PPM1A: variants seen among roughly 807,000 people sequenced by gnomAD.
The protein encoded by PPM1A is protein phosphatase, Mg2+/Mn2+ dependent 1A, also known as protein phosphatase 1A.
PPM1A carries 7 observed loss-of-function variants against 35.0 expected under a neutral mutation model. The observed-to-expected ratio is 0.20, with a 90% CI of 0.11 to 0.38. The LOEUF is 0.38. Among genes scored for constraint, PPM1A ranks in the 10% least tolerant of loss-of-function variants. The pLI, the probability that PPM1A is intolerant of heterozygous loss-of-function variation, is 1.00. For missense variants in PPM1A, 239 were observed against 467.8 expected, an observed-to-expected ratio of 0.51 and a Z score of 4.51; for synonymous variants, 153 against 167.3, an observed-to-expected ratio of 0.91 and a Z score of 0.66.
chr14:60,282,606 C>A lies in PPM1A; in HGVS notation c.-20-78C>A. 1 of 1,505,424 alleles carries A rather than the reference C, an allele frequency of 6.6e-7. No individual in the cohort carries two copies. The highest frequency in any genetic ancestry group is 9.0e-7 in the Non-Finnish European group (1 of 1,114,874). The allele number at this position is 1,505,424 out of a possible 1,614,324, so 93.3% of individuals were successfully genotyped here. ...GTTGTGAATTCCCGCATATCTCTTT[C>A]ACTTATTAAAAAGATTGTTTGGTAC... On this transcript the variant is annotated intron_variant, in intron 1 of 5. Transcript: ENST00000395076. This position sits in a 1 kb window ranked among gnomAD's most constrained non-coding sequence, Gnocchi z 5.1.
chr14:60,278,687 C>T (rs1029850882), intron 1 of PPM1A, among the ~76,000 whole-genome samples: 2 of 152,206 alleles, frequency 1.3e-5, no homozygotes, highest in Admixed American at 1.3e-4. Context: ...ATGGAGTTTA[C>T]AGCCACTATT....
Position 60,273,391 on chromosome 14 carries a change from C to A in PPM1A, c.-20-9293C>A, listed in dbSNP as rs1254602284. Among the ~76,000 whole-genome samples the A allele has an allele frequency of 6.6e-6, 1 of 152,004 alleles. No individual in the cohort carries two copies. The highest frequency in any genetic ancestry group is 2.4e-5 in the African/African-American group (1 of 41,384). On this transcript the variant is annotated intron_variant, in intron 1 of 5. Coordinates refer to ENST00000395076, the MANE Select transcript of PPM1A (RefSeq NM_021003.5). The surrounding 1 kb of genome is among the most constrained non-coding windows in gnomAD (Gnocchi z 4.3). ...AAGGAAGTATGATGAGTACTAGGTA[C>A]TGTAAGAAAACCCTTGTGGTTGGAG...
At chr14:60,286,320 C>A in intron 3 of PPM1A, 1 of 985,752 alleles carries the variant, frequency 1.0e-6, no homozygotes, top group South Asian at 4.7e-5. Flanking sequence ...TATTTCTCCA[C>A]CTGGCAGAAA....
Position 60,249,418 on chromosome 14 carries a change from C to G in PPM1A, c.-280C>G, listed in dbSNP as rs1193695605. On this transcript the variant is annotated 5_prime_UTR_variant, in exon 1 of 6. Coordinates refer to ENST00000395076, the MANE Select transcript of PPM1A (RefSeq NM_021003.5). This position sits in a 1 kb window ranked among gnomAD's most constrained non-coding sequence, Gnocchi z 4.5. ...GAAAGCGATGAGTCCTCGGCTCTTC[C>G]TCCTCCTTCTCCGGGACCCGCTCTC... is the stretch of plus-strand genomic sequence containing the variant. 10 of 984,680 alleles carry G rather than the reference C, an allele frequency of 1.0e-5. No individual in the cohort carries two copies. In the East Asian group the frequency reaches 3.4e-4, roughly 34 times the overall value. 61.0% of individuals were successfully genotyped at this position (984,680 alleles called of 1,614,324 possible).
At chr14:60,287,900 T>C in intron 3 of PPM1A, 1 of 985,298 alleles carries the variant, frequency 1.0e-6, no homozygotes, top group Middle Eastern at 5.2e-4. Flanking sequence ...TCCCTGAAAC[T>C]TGGTGGAGGG....
In PPM1A at chr14:60,283,970, A is replaced by G. The variant is rs1886666815; in HGVS notation, c.834+433A>G. ...AAGGTTTAATGGTCTGTAGCACTTG[A>G]AAGAGGAATGTAGTGATCATTAGAC... On this transcript the variant is annotated intron_variant, in intron 2 of 5. Coordinates refer to ENST00000395076, the MANE Select transcript of PPM1A (RefSeq NM_021003.5). This position sits in a 1 kb window ranked among gnomAD's most constrained non-coding sequence, Gnocchi z 6.3. 6.6e-6 allele frequency among the ~76,000 whole-genome samples: 1 copy of G among 152,214 alleles called. No homozygotes were observed. Among genetic ancestry groups the G allele is most frequent in the African/African-American group, 2.4e-5 (1 of 41,452 alleles).
chr14:60,252,919 C>G (rs188906176), intron 1 of PPM1A, among the ~76,000 whole-genome samples: 1 of 152,240 alleles, frequency 6.6e-6, no homozygotes, highest in African/African-American at 2.4e-5. Context: ...CCAGGCTTTT[C>G]TTTTGCTGAG....
At chr14:60,287,585 A>C (rs967693761) in intron 3 of PPM1A, 2 of 985,130 alleles carry the variant, frequency 2.0e-6, no homozygotes, top group Non-Finnish European at 2.4e-6. Flanking sequence ...CTTTAAATAC[A>C]TGCCTTCACT....
intron 1 of PPM1A, among the ~76,000 whole-genome samples, chr14:60,251,933 G>T (rs1259583035): frequency 6.6e-6 from 1 of 151,266 alleles, no homozygotes; most frequent in Non-Finnish European, 1.5e-5. Context: ...CTGATGTGAA[G>T]GACATTATAA....
chr14:60,251,335 T>C (rs1401859242), intron 1 of PPM1A, among the ~76,000 whole-genome samples: 3 of 152,252 alleles, frequency 2.0e-5, no homozygotes, highest in Non-Finnish European at 2.9e-5. Flanking sequence ...TCAATTATAT[T>C]TGAGAAATAA....
chr14:60,289,989 T>C lies in PPM1A; in HGVS notation c.1061+75T>C. On this transcript the variant is annotated intron_variant, in intron 4 of 5. Transcript: ENST00000395076. The surrounding 1 kb of genome is among the most constrained non-coding windows in gnomAD (Gnocchi z 4.1). ...GTTAGGTATTCATTGATAAAATGTT[T>C]GTTTGCCTAATTTCTGAACTGATGC... The C allele has an allele frequency of 9.5e-7, 1 of 1,055,220 alleles. No individual in the cohort carries two copies. The highest frequency in any genetic ancestry group is 1.6e-5 in the South Asian group (1 of 62,550). 65.4% of individuals were successfully genotyped at this position (1,055,220 alleles called of 1,614,324 possible). A position where few individuals can be genotyped will look rare whatever the true frequency, so the allele number is the denominator to read the frequency against.
chr14:60,245,810 C>G, upstream of PPM1A: 1 of 1,532,786 alleles, frequency 6.5e-7, no homozygotes, highest in South Asian at 1.3e-5. This position sits in a 1 kb window ranked among gnomAD's most constrained non-coding sequence, Gnocchi z 4.2. Context: ...CACACCCTCT[C>G]CCTGAATGAA....
intron 1 of PPM1A, among the ~76,000 whole-genome samples, chr14:60,261,049 C>G (rs753670950): frequency 1.2e-4 from 18 of 149,668 alleles, no homozygotes; most frequent in Non-Finnish European, 2.5e-4. Flanking sequence ...CCCGAAAATA[C>G]CACTTAAGTC....
At chr14:60,284,521 A>C (rs1595361582) in intron 2 of PPM1A, among the ~76,000 whole-genome samples, 1 of 151,744 alleles carries the variant, frequency 6.6e-6, no homozygotes, top group East Asian at 1.9e-4. Flanking sequence ...GGGCGCCTGT[A>C]GTCCCAGCTA....
chr14:60,248,451 T>G (rs993178411), upstream of PPM1A, among the ~76,000 whole-genome samples: 1 of 152,234 alleles, frequency 6.6e-6, no homozygotes, highest in Non-Finnish European at 1.5e-5. Context: ...TCAGAGCATG[T>G]GCCCCGTGCG....
At chr14:60,286,513 G>A (rs1887027018) in intron 3 of PPM1A, 2 of 985,080 alleles carry the variant, frequency 2.0e-6, no homozygotes, top group Admixed American at 6.2e-5. Flanking sequence ...CTGGTGAGCT[G>A]AGGTAGAAAA....
rs1481064493 is a variant in PPM1A, at chr14:60,249,880, C to A, written c.-21+203C>A. Among the ~76,000 whole-genome samples the A allele has an allele frequency of 6.7e-6, 1 of 148,318 alleles. No individual in the cohort carries two copies. Among genetic ancestry groups the A allele is most frequent in the East Asian group, 2.2e-4 (1 of 4,526 alleles). Reference sequence around the variant, plus strand: ...GCGAGGGGTTAACGCTCGGCGAGGGCGGTGGCGGGGAGGCGGGGGCGGGGT... The same window carrying A: ...GCGAGGGGTTAACGCTCGGCGAGGGAGGTGGCGGGGAGGCGGGGGCGGGGT... On this transcript the variant is annotated intron_variant, in intron 1 of 5. Coordinates refer to ENST00000395076, the MANE Select transcript of PPM1A (RefSeq NM_021003.5). This position sits in a 1 kb window ranked among gnomAD's most constrained non-coding sequence, Gnocchi z 4.5.
chr14:60,282,578 C>A lies in PPM1A; in HGVS notation c.-20-106C>A, dbSNP rs1057071649. 2 of 1,374,040 alleles carry A rather than the reference C, an allele frequency of 1.5e-6. No homozygotes were observed. The highest frequency in any genetic ancestry group is 1.5e-5 in the African/African-American group (1 of 68,778). 85.1% of individuals were successfully genotyped at this position (1,374,040 alleles called of 1,614,324 possible). ...CAACACAATGAATGTCTGCTTATCG[C>A]GAGTTGTGAATTCCCGCATATCTCT... On this transcript the variant is annotated intron_variant, in intron 1 of 5. Transcript: ENST00000395076. The surrounding 1 kb of genome is among the most constrained non-coding windows in gnomAD (Gnocchi z 5.1).
chr14:60,282,814 G>A lies in PPM1A; in HGVS notation c.111G>A (p.Glu37=). 6.8e-6 allele frequency: 11 copies of A among 1,614,240 alleles called. No homozygotes were observed. The highest frequency in any genetic ancestry group is 9.3e-6 in the Non-Finnish European group (11 of 1,180,046). Residue 37 remains glutamate (E), a synonymous_variant, in exon 2 of 6, where the codon GAG becomes GAA. Transcript: ENST00000395076. The surrounding 1 kb of genome is among the most constrained non-coding windows in gnomAD (Gnocchi z 5.1). The part of the protein sequence containing the change: ...SSMQGWRVEM[E]DAHTAVIGLP... ...TGCAAGGCTGGCGTGTTGAAATGGA[G>A]GATGCACATACGGCTGTGATCGGTT... is the stretch of plus-strand genomic sequence containing the variant.
Sources: allele counts gnomAD v4.1 joint callset (sites outside exome capture counted in the v4.1 genomes callset), GRCh38; gene constraint gnomAD v4.1.1; non-coding constraint Gnocchi (gnomAD v3.1); transcripts MANE v1.5; gene names NCBI Gene and HGNC (gene_info 2026-07-23, HGNC 2026-07-21).